Variants in GRM8 observed in about 807,000 individuals in gnomAD.
GRM8 encodes the protein glutamate metabotropic receptor 8, also known as metabotropic glutamate receptor 8.
A neutral mutation model predicts 87.2 loss-of-function variants in GRM8; 47 were observed. The ratio of observed to expected loss-of-function variants is 0.54; its 90% confidence interval spans 0.43 to 0.69. The LOEUF is 0.69. Among genes scored for constraint, GRM8 ranks in the 30% least tolerant of loss-of-function variants. The pLI, the probability that GRM8 is intolerant of heterozygous loss-of-function variation, is 0.00. For missense variants in GRM8, 1,019 were observed against 1,139.2 expected (o/e 0.89, Z 1.52); for synonymous variants, 396 against 404.5 (o/e 0.98, Z 0.25).
intron 2 of GRM8, 114 bp from the exon 3 acceptor site, chr7:127,106,826 A>G: frequency 2.8e-6 from 2 of 720,998 alleles, no homozygotes; most frequent in Non-Finnish European, 4.9e-6. Context: ...ATCAACCTGA[A>G]GCCAAAATAC....
At chr7:126,910,152 A>G (rs1287420687) in intron 3 of GRM8, among the ~76,000 whole-genome samples, 1 of 152,186 alleles carries the variant, frequency 6.6e-6, no homozygotes, top group Non-Finnish European at 1.5e-5. Context: ...TCTTCAGCAT[A>G]TAGCCAGTCT....
chr7:127,001,695 C>T (rs1813741792), intron 3 of GRM8, among the ~76,000 whole-genome samples: 1 of 151,516 alleles, frequency 6.6e-6, no homozygotes, highest in Non-Finnish European at 1.5e-5. Context: ...TATGACCCAA[C>T]AATTCCAAGA....
chr7:126,940,721 C>T (rs1357064512), intron 3 of GRM8, among the ~76,000 whole-genome samples: 1 of 152,162 alleles, frequency 6.6e-6, no homozygotes, highest in Admixed American at 6.5e-5. Flanking sequence ...GCTATAATAT[C>T]CCTTGCTGTC....
At chr7:126,578,321 C>A (rs1410763253) in intron 8 of GRM8, among the ~76,000 whole-genome samples, 1 of 152,098 alleles carries the variant, frequency 6.6e-6, no homozygotes, top group Non-Finnish European at 1.5e-5. Flanking sequence ...TCTCCCTATC[C>A]CATTTCCACT....
chr7:127,158,744 G>A (rs1288916086), intron 2 of GRM8, among the ~76,000 whole-genome samples: 2 of 151,994 alleles, frequency 1.3e-5, no homozygotes, highest in East Asian at 1.9e-4. Flanking sequence ...TCAGGTATTA[G>A]GTTCTAACAT....
At chr7:126,549,007 G>C (rs1245826560) in intron 8 of GRM8, among the ~76,000 whole-genome samples, 1 of 152,162 alleles carries the variant, frequency 6.6e-6, no homozygotes, top group African/African-American at 2.4e-5. Context: ...AAAGTGAAAT[G>C]TCAAATTTAA....
chr7:127,083,160 C>G (rs753063056), intron 3 of GRM8, among the ~76,000 whole-genome samples: 10 of 152,176 alleles, frequency 6.6e-5, no homozygotes, highest in Non-Finnish European at 8.8e-5. Flanking sequence ...GAACAAGGTA[C>G]TCAATAATAT....
intron 3 of GRM8, among the ~76,000 whole-genome samples, chr7:126,905,778 C>A (rs1802614791): frequency 6.6e-6 from 1 of 152,008 alleles, no homozygotes; most frequent in South Asian, 2.1e-4. Flanking sequence ...TAATAGGATA[C>A]CCAATACAAT....
chr7:126,762,746 G>GT (rs933366431), intron 7 of GRM8, among the ~76,000 whole-genome samples: 3 of 151,316 alleles, frequency 2.0e-5, no homozygotes, highest in Admixed American at 6.6e-5. Flanking sequence ...ATTGTGATTT[G>GT]TTTTTTTCAA....
chr7:127,226,125 T>A (rs548590955), intron 2 of GRM8, among the ~76,000 whole-genome samples: 38 of 152,230 alleles, frequency 2.5e-4, no homozygotes, highest in African/African-American at 9.1e-4. Flanking sequence ...AAATCTACAA[T>A]AGGAAAAAAG....
At chr7:127,221,516 A>C (rs1796933029) in intron 2 of GRM8, among the ~76,000 whole-genome samples, 1 of 152,200 alleles carries the variant, frequency 6.6e-6, no homozygotes, top group Non-Finnish European at 1.5e-5. Flanking sequence ...GCAAAGATAC[A>C]AAATTCCTAC....
At chr7:126,942,221 C>G (rs1486809097) in intron 3 of GRM8, among the ~76,000 whole-genome samples, 1 of 152,206 alleles carries the variant, frequency 6.6e-6, no homozygotes, top group Non-Finnish European at 1.5e-5. Context: ...GAGAACGTAC[C>G]TATTTTTTAA....
At chr7:126,472,880 A>G (rs376749312) in intron 9 of GRM8, among the ~76,000 whole-genome samples, 69 of 152,328 alleles carry the variant, frequency 4.5e-4, no homozygotes, top group Middle Eastern at 3.4e-3. Context: ...CCATTGCTTC[A>G]GAGGGTACAA....
chr7:126,488,451 T>C (rs1047482693), intron 9 of GRM8, among the ~76,000 whole-genome samples: 2 of 152,054 alleles, frequency 1.3e-5, no homozygotes, highest in Non-Finnish European at 2.9e-5. Context: ...GCTAAAAGCC[T>C]CAAGTCTAAA....
chr7:126,884,652 A>G (rs987205780), intron 6 of GRM8, among the ~76,000 whole-genome samples: 18 of 152,196 alleles, frequency 1.2e-4, no homozygotes, highest in Admixed American at 9.2e-4. Flanking sequence ...TAATGACTGC[A>G]TCACCTACCT....
At chr7:126,663,519 G>A (rs1805429920) in intron 7 of GRM8, among the ~76,000 whole-genome samples, 1 of 152,068 alleles carries the variant, frequency 6.6e-6, no homozygotes, top group South Asian at 2.1e-4. Context: ...ATTCACCACA[G>A]AAACAGAACT....
chr7:127,092,103 A>G (rs928659684), intron 3 of GRM8, among the ~76,000 whole-genome samples: 5 of 132,274 alleles, frequency 3.8e-5, no homozygotes, highest in African/African-American at 1.5e-4. Flanking sequence ...CCCCCGTTCC[A>G]CTGGTCATCC....
chr7:127,027,194 A>G (rs1284730053), intron 3 of GRM8, among the ~76,000 whole-genome samples: 1 of 152,064 alleles, frequency 6.6e-6, no homozygotes, highest in Non-Finnish European at 1.5e-5. Context: ...ATTGGTCTAT[A>G]TATCTGTTTT....
intron 3 of GRM8, among the ~76,000 whole-genome samples, chr7:126,932,862 A>G (rs1341610349): frequency 6.6e-6 from 1 of 152,208 alleles, no homozygotes; most frequent in Non-Finnish European, 1.5e-5. Flanking sequence ...CAAGAAAGAG[A>G]GAGATAGATG....
Sources: gnomAD v4.1 joint callset for allele counts (sites outside exome capture counted in the v4.1 genomes callset) on GRCh38, gnomAD v4.1.1 for gene constraint, MANE v1.5 for transcripts, NCBI Gene and HGNC (gene_info 2026-07-23, HGNC 2026-07-21) for gene names.